Variants in IFNGR2 observed in about 807,000 individuals in gnomAD.
IFNGR2 encodes interferon gamma receptor 2, also known as IFN-gamma receptor 2.
In IFNGR2, 15 loss-of-function variants were observed where a neutral mutation model predicts 41.1. That is an observed-to-expected ratio of 0.37 (90% CI 0.24 to 0.56). The LOEUF is 0.56. Ranked by LOEUF, IFNGR2 falls within the 20% of genes least tolerant of loss-of-function variation. The pLI is 0.81. For synonymous variants in IFNGR2, 161 were observed against 171.6 expected (o/e 0.94, Z 0.48); for missense variants, 362 against 415.7 (o/e 0.87, Z 1.12).
Position 33,432,178 on chromosome 21 carries a change from T to TCA in IFNGR2, c.564_565dup (p.Lys189ThrfsTer15). The TCA allele has an allele frequency of 1.2e-6, 2 of 1,613,990 alleles. No individual in the cohort carries two copies. The highest frequency in any genetic ancestry group is 1.7e-6 in the Non-Finnish European group (2 of 1,179,854). ...GTGCTTGTGATGTTTTTAAAACAGG[T>TCA]CAAAGGCCCTTTCAGAAGCAACTCC... On this transcript the variant is annotated frameshift_variant and splice_region_variant, in exon 5 of 7. Transcript: ENST00000290219. LOFTEE classifies it high-confidence loss of function.
At chr21:33,419,758 G>T (rs1303949463) in intron 2 of IFNGR2, among the ~76,000 whole-genome samples, 1 of 152,166 alleles carries the variant, frequency 6.6e-6, no homozygotes, top group Non-Finnish European at 1.5e-5. Flanking sequence ...GGTCAAAGGG[G>T]ATGGACTTAC....
chr21:33,419,309 T>C (rs1018747902), intron 2 of IFNGR2, among the ~76,000 whole-genome samples: 8 of 152,140 alleles, frequency 5.3e-5, no homozygotes, highest in African/African-American at 1.9e-4. Flanking sequence ...AGTTTCACCA[T>C]GTTAGCTAGG....
chr21:33,408,096 T>C (rs1298002852), intron 1 of IFNGR2, among the ~76,000 whole-genome samples: 4 of 152,152 alleles, frequency 2.6e-5, no homozygotes, highest in African/African-American at 9.7e-5. Context: ...TCCTTAATTA[T>C]CAAGATTAAA....
At position 33,403,472 on chromosome 21, in the gene IFNGR2, G is replaced by A. The variant is rs1164508394; in HGVS notation, c.-72G>A. 1.1e-5 allele frequency: 11 copies of A among 971,614 alleles called. No individual in the cohort carries two copies. The highest frequency in any genetic ancestry group is 1.4e-5 in the Non-Finnish European group (11 of 788,004). 60.2% of individuals were successfully genotyped at this position (971,614 alleles called of 1,614,324 possible). ...CGCTCGCCATGGCGGTTTGGGCGGC[G>A]ACGTGAGCGGCTCCGCGGACCCCGA... On this transcript the variant is annotated 5_prime_UTR_variant, in exon 1 of 7. Transcript: ENST00000290219.
At chr21:33,406,594 C>T (rs1394985185) in intron 1 of IFNGR2, among the ~76,000 whole-genome samples, 7 of 150,258 alleles carry the variant, frequency 4.7e-5, no homozygotes, top group African/African-American at 9.8e-5. Flanking sequence ...CATAACTTAC[C>T]GGTGTAATTT....
At chr21:33,417,689 G>A (rs1365277367) in intron 2 of IFNGR2, among the ~76,000 whole-genome samples, 1 of 152,090 alleles carries the variant, frequency 6.6e-6, no homozygotes, top group Non-Finnish European at 1.5e-5. Context: ...TGATGTGAGC[G>A]CACAGGTCAC....
At chr21:33,436,033 C>T (rs2083944967) in intron 6 of IFNGR2, among the ~76,000 whole-genome samples, 2 of 152,024 alleles carry the variant, frequency 1.3e-5, no homozygotes, top group Non-Finnish European at 2.9e-5. Context: ...TGCACTCCAG[C>T]CTGGGCGAAA....
chr21:33,409,306 A>G lies in IFNGR2; in HGVS notation c.74-5582A>G, dbSNP rs577631485. Among the ~76,000 whole-genome samples, 3 of 151,606 alleles carry G rather than the reference A, an allele frequency of 2.0e-5. No individual in the cohort carries two copies. The South Asian group carries it at 6.3e-4, about 32-fold the overall frequency. On this transcript the variant is annotated intron_variant, in intron 1 of 6. Coordinates refer to ENST00000290219, the MANE Select transcript of IFNGR2 (RefSeq NM_005534.4). The stretch of plus-strand genomic sequence containing the variant: ...ATAATGGTGAAACCTCGTCTCTCCT[A>G]AAAGCACAAAAAAATAGCCAGGCGT...
intron 3 of IFNGR2, among the ~76,000 whole-genome samples, chr21:33,425,474 G>A (rs2083828446): frequency 6.6e-6 from 1 of 152,204 alleles, no homozygotes; most frequent in Non-Finnish European, 1.5e-5. Flanking sequence ...TGTGGCTGGT[G>A]TCCACACTCC....
chr21:33,423,098 G>A (rs1336313562), intron 3 of IFNGR2, among the ~76,000 whole-genome samples: 9 of 141,644 alleles, frequency 6.4e-5, no homozygotes, highest in Non-Finnish European at 1.1e-4. Flanking sequence ...GGAGTGCAGT[G>A]GCGCAATCTT....
intron 3 of IFNGR2, among the ~76,000 whole-genome samples, chr21:33,423,948 CA>C (rs1268993235): frequency 6.6e-6 from 1 of 151,886 alleles, no homozygotes; most frequent in Non-Finnish European, 1.5e-5. Flanking sequence ...CCTTGGGTGC[CA>C]AACCACCCTC....
Position 33,432,269 on chromosome 21 carries a change from G to A in IFNGR2, c.654G>A (p.Trp218Ter). Reference sequence around the variant, plus strand: ...TACAAGTCCAGGCACAACTGCTTTGGAACAAAAGTAACATCTTTAGAGTCG... The same window carrying A: ...TACAAGTCCAGGCACAACTGCTTTGAAACAAAAGTAACATCTTTAGAGTCG... ...YCLQVQAQLL[W>*]NKSNIFRVGH... is the part of the protein sequence containing the mutation. The change falls in exon 5 of 7, where the codon TGG becomes TGA. Residue 218 changes from tryptophan to a stop codon, truncating the protein, a stop_gained. Transcript: ENST00000290219. LOFTEE classifies it high-confidence loss of function. The A allele has an allele frequency of 6.2e-7, 1 of 1,614,056 alleles. No individual in the cohort carries two copies. The highest frequency in any genetic ancestry group is 2.2e-5 in the East Asian group (1 of 44,888).
rs2083962754 is a variant in IFNGR2 at position 33,437,071 on chromosome 21, TA to T, written c.*113del. On this transcript the variant is annotated 3_prime_UTR_variant, in exon 7 of 7. Coordinates refer to ENST00000290219, the MANE Select transcript of IFNGR2 (RefSeq NM_005534.4). ...GACCAGTATTCCCTTTTGCTGCCTC[TA>T]AAAGGCCTGTCCCTGCAGACATGAG... 8 of 1,111,334 alleles carry T rather than the reference TA, an allele frequency of 7.2e-6. No individual in the cohort carries two copies. In the East Asian group the frequency reaches 1.9e-4, roughly 27 times the overall value. 68.8% of individuals were successfully genotyped at this position (1,111,334 alleles called of 1,614,324 possible). A position where few individuals can be genotyped will look rare whatever the true frequency, so the allele number is the denominator to read the frequency against.
chr21:33,435,377 A>G (rs2083935494), intron 6 of IFNGR2, among the ~76,000 whole-genome samples: 10 of 152,228 alleles, frequency 6.6e-5, no homozygotes, highest in Admixed American at 6.5e-4. Context: ...AAAGGTTACA[A>G]TTTTAGAGAC....
intron 3 of IFNGR2, among the ~76,000 whole-genome samples, chr21:33,425,949 G>A (rs1318842443): frequency 6.6e-6 from 1 of 152,212 alleles, no homozygotes; most frequent in African/African-American, 2.4e-5. Context: ...GACCCAAACT[G>A]TACTTTGATC....
At chr21:33,411,530 C>T in intron 1 of IFNGR2, 2 of 471,014 alleles carry the variant, frequency 4.2e-6, no homozygotes, top group Non-Finnish European at 8.8e-6. Context: ...GTCCGTGAAC[C>T]TGGGAATGTG....
chr21:33,434,830 A>G (rs2083928373), intron 6 of IFNGR2, among the ~76,000 whole-genome samples: 1 of 152,192 alleles, frequency 6.6e-6, no homozygotes, highest in Non-Finnish European at 1.5e-5. Flanking sequence ...ACTTGCAGTA[A>G]TAATCTCTCT....
At chr21:33,427,980 C>A (rs1215634000) in intron 4 of IFNGR2, among the ~76,000 whole-genome samples, 1 of 151,726 alleles carries the variant, frequency 6.6e-6, no homozygotes, top group Admixed American at 6.6e-5. Context: ...ATCTGCCCAC[C>A]TTGGCCACCC....
rs2083851840 is a variant in IFNGR2, at chr21:33,427,841, C to CTTTTTTTT, written c.561+809_561+810insTTTTTTTT. Among the ~76,000 whole-genome samples the CTTTTTTTT allele has an allele frequency of 1.0e-4, 12 of 116,918 alleles. 2 individuals carry two copies. The highest frequency in any genetic ancestry group is 2.6e-4 in the East Asian group (1 of 3,838). 76.7% of individuals were successfully genotyped at this position (116,918 alleles called of 152,430 possible). A position where few individuals can be genotyped will look rare whatever the true frequency, so the allele number is the denominator to read the frequency against. ...GAATTTTAGATACTTCATCTCATTT[C>CTTTTTTTT]ATCTTTTTTTTTTTTTTTTTTTTGA... On this transcript the variant is annotated intron_variant, in intron 4 of 6. Coordinates refer to ENST00000290219, the MANE Select transcript of IFNGR2 (RefSeq NM_005534.4).
Sources: allele counts gnomAD v4.1 joint callset (sites outside exome capture counted in the v4.1 genomes callset), GRCh38; gene constraint gnomAD v4.1.1; transcripts MANE v1.5; gene names NCBI Gene and HGNC (gene_info 2026-07-23, HGNC 2026-07-21).